Variants in TAFA1 observed in about 807,000 individuals in gnomAD.
TAFA1 encodes the protein chemokine-like protein TAFA-1.
In TAFA1, 4 loss-of-function variants were observed where a neutral mutation model predicts 18.5. The observed-to-expected ratio is 0.22, with a 90% CI of 0.11 to 0.49. The LOEUF (loss-of-function observed/expected upper bound fraction) is 0.49. Ranked by LOEUF, TAFA1 falls within the 20% of genes least tolerant of loss-of-function variation. The pLI is 0.98. For missense variants in TAFA1, 147 were observed against 169.0 expected (o/e 0.87, Z 0.72); for synonymous variants, 56 against 55.2 (o/e 1.01, Z -0.06).
chr3:68,131,947 G>A (rs1477484208), intron 2 of TAFA1, among the ~76,000 whole-genome samples: 4 of 151,666 alleles, frequency 2.6e-5, no homozygotes, highest in African/African-American at 9.7e-5. Context: ...TGTTACATAG[G>A]TATACACGTG....
At chr3:68,171,269 C>CTG (rs60140004) in intron 2 of TAFA1, among the ~76,000 whole-genome samples, 142,700 of 152,120 alleles carry the variant, frequency 0.94, 67,022 homozygotes, top group South Asian at 0.97. Flanking sequence ...ATAGAATGGG[C>CTG]TGAGTGAAGG....
intron 2 of TAFA1, among the ~76,000 whole-genome samples, chr3:68,022,574 A>T (rs530549285): frequency 1.3e-5 from 2 of 152,156 alleles, no homozygotes; most frequent in East Asian, 3.9e-4. Flanking sequence ...TTATGCCAAG[A>T]GTAAGGGATG....
intron 2 of TAFA1, among the ~76,000 whole-genome samples, chr3:68,252,864 G>A (rs1039480421): frequency 1.3e-5 from 2 of 152,102 alleles, no homozygotes; most frequent in Admixed American, 6.6e-5. Context: ...ATTGAATCAT[G>A]GGGGTAAGTC....
At position 68,140,928 on chromosome 3, in the gene TAFA1, T is replaced by C. The variant is rs185310894; in HGVS notation, c.118+134184T>C. ...ACTAGGAATCCCAGGTGCTCTGCTGTCTTTAAAACCATGTATAATTTGTTA... is the reference window on the plus strand; with the variant it reads ...ACTAGGAATCCCAGGTGCTCTGCTGCCTTTAAAACCATGTATAATTTGTTA... On this transcript the variant is annotated intron_variant, in intron 2 of 4. Transcript: ENST00000478136. 2.6e-5 allele frequency among the ~76,000 whole-genome samples: 4 copies of C among 152,324 alleles called. No individual in the cohort carries two copies. The East Asian group carries it at 7.7e-4, about 29-fold the overall frequency.
chr3:68,455,961 T>G (rs1348691328), intron 3 of TAFA1, among the ~76,000 whole-genome samples: 1 of 152,190 alleles, frequency 6.6e-6, no homozygotes, highest in Non-Finnish European at 1.5e-5. Context: ...ATATAAAGGT[T>G]GAATTAAATA....
At chr3:68,307,690 C>A (rs1366098345) in intron 2 of TAFA1, among the ~76,000 whole-genome samples, 1 of 152,122 alleles carries the variant, frequency 6.6e-6, no homozygotes, top group African/African-American at 2.4e-5. Context: ...CTTGAAAAAA[C>A]TGGAGATTTA....
chr3:68,199,191 G>T (rs567943145), intron 2 of TAFA1, among the ~76,000 whole-genome samples: 1 of 151,420 alleles, frequency 6.6e-6, no homozygotes, highest in African/African-American at 2.4e-5. Flanking sequence ...CTATTTCTGG[G>T]TTCTCTGTTC....
the TAFA1 span, among the ~76,000 whole-genome samples, chr3:67,996,809 AG>A: frequency 4.0e-4 from 18 of 45,014 alleles, no homozygotes; most frequent in African/African-American, 1.2e-3. Flanking sequence ...AACAAAAATA[AG>A]AAAAAAAAAA....
At chr3:68,182,282 A>G (rs1020347380) in intron 2 of TAFA1, among the ~76,000 whole-genome samples, 6 of 152,194 alleles carry the variant, frequency 3.9e-5, no homozygotes, top group Non-Finnish European at 8.8e-5. Flanking sequence ...GTATTACATT[A>G]CCAGGTGGAA....
intron 3 of TAFA1, among the ~76,000 whole-genome samples, chr3:68,475,500 T>C (rs1257843263): frequency 6.6e-6 from 1 of 152,228 alleles, no homozygotes; most frequent in Non-Finnish European, 1.5e-5. Flanking sequence ...CATCATTTTT[T>C]ATGGCTGCGT....
At chr3:68,272,604 TAAG>T (rs2067697088) in intron 2 of TAFA1, among the ~76,000 whole-genome samples, 1 of 152,164 alleles carries the variant, frequency 6.6e-6, no homozygotes, top group Non-Finnish European at 1.5e-5. Context: ...AGAAAGGTAT[TAAG>T]AATACCAGCA....
intron 2 of TAFA1, among the ~76,000 whole-genome samples, chr3:68,079,353 A>C (rs1312928434): frequency 6.6e-6 from 1 of 152,078 alleles, no homozygotes; most frequent in Non-Finnish European, 1.5e-5. Context: ...GCCTTCTGCT[A>C]GCTTTTGAAT....
intron 2 of TAFA1, among the ~76,000 whole-genome samples, chr3:68,325,909 T>G (rs1477991548): frequency 6.6e-6 from 1 of 152,210 alleles, no homozygotes; most frequent in East Asian, 1.9e-4. Context: ...GTGATAAATC[T>G]GAGACTGGAA....
intron 3 of TAFA1, among the ~76,000 whole-genome samples, chr3:68,424,314 G>A (rs2071014696): frequency 6.6e-6 from 1 of 151,916 alleles, no homozygotes; most frequent in Admixed American, 6.6e-5. Flanking sequence ...AAGCATATGA[G>A]AAAGAGAGGG....
chr3:68,120,185 CTTTCTTTCTT>C, intron 2 of TAFA1, among the ~76,000 whole-genome samples: 1 of 23,906 alleles, frequency 4.2e-5, no homozygotes, highest in Non-Finnish European at 9.8e-5. Context: ...TTCTTTCTTT[CTTTCTTTCTT>C]TCTTTCTTTC....
chr3:67,998,024 A>G, the TAFA1 span, among the ~76,000 whole-genome samples: 2 of 151,866 alleles, frequency 1.3e-5, no homozygotes, highest in Admixed American at 1.3e-4. Flanking sequence ...AAAATCATAA[A>G]ACATAAAAAA....
At chr3:67,997,160 T>C in the TAFA1 span, among the ~76,000 whole-genome samples, 2 of 152,252 alleles carry the variant, frequency 1.3e-5, no homozygotes, top group Non-Finnish European at 2.9e-5. Flanking sequence ...TAGAATTCTA[T>C]ACATTTGCAC....
At chr3:68,109,365 T>A (rs994157613) in intron 2 of TAFA1, among the ~76,000 whole-genome samples, 2 of 152,166 alleles carry the variant, frequency 1.3e-5, no homozygotes, top group African/African-American at 4.8e-5. Flanking sequence ...CTTTCATGTG[T>A]TATCTGTTCA....
chr3:68,150,672 T>C (rs1452278420), intron 2 of TAFA1, among the ~76,000 whole-genome samples: 1 of 152,128 alleles, frequency 6.6e-6, no homozygotes, highest in Non-Finnish European at 1.5e-5. Context: ...TTTTAACCCT[T>C]CATTTACTTC....
Sources: allele counts gnomAD v4.1 joint callset (sites outside exome capture counted in the v4.1 genomes callset), GRCh38; gene constraint gnomAD v4.1.1; transcripts MANE v1.5; gene names NCBI Gene and HGNC (gene_info 2026-07-23, HGNC 2026-07-21).